The following NOTCH3 variants were observed in gnomAD, a reference collection of about 807,000 sequenced individuals.
NOTCH3 encodes neurogenic locus notch homolog protein 3.
Under a neutral mutation model 213.3 loss-of-function variants are expected in NOTCH3, and 86 were observed. The observed-to-expected ratio is 0.40, with a 90% CI of 0.34 to 0.48. The LOEUF is 0.48. Among genes scored for constraint, NOTCH3 ranks in the 20% least tolerant of loss-of-function variants. The pLI, the probability that NOTCH3 is intolerant of heterozygous loss-of-function variation, is 0.57. For synonymous variants in NOTCH3, 1,354 were observed against 1,355.9 expected (o/e 1.00, Z 0.03); for missense variants, 2,783 against 3,272.6 (o/e 0.85, Z 3.65).
intron 9 of NOTCH3, 91 bp downstream of exon 9, chr19:15,188,144 A>G: frequency 9.2e-7 from 1 of 1,085,094 alleles, no homozygotes. Flanking sequence ...ATTGTAAGTT[A>G]TCCGCTAACG....
At chr19:15,199,542 G>C (rs1484924442) in intron 1 of NOTCH3, among the ~76,000 whole-genome samples, 1 of 152,058 alleles carries the variant, frequency 6.6e-6, no homozygotes, top group Non-Finnish European at 1.5e-5. Flanking sequence ...GATCATATTT[G>C]TGTGTGTATG....
chr19:15,200,196 G>A (rs1477797959), intron 1 of NOTCH3, among the ~76,000 whole-genome samples: 2 of 150,120 alleles, frequency 1.3e-5, no homozygotes, highest in East Asian at 2.0e-4. Flanking sequence ...GCGGCCAGAG[G>A]AGAGAGGCGG....
intron 6 of NOTCH3, among the ~76,000 whole-genome samples, chr19:15,190,310 T>G (rs2046917579): frequency 6.6e-6 from 1 of 152,158 alleles, no homozygotes. Flanking sequence ...CATCCACATA[T>G]TGTTTTAAAA....
chr19:15,178,396 CTT>C (rs1017806646), intron 23 of NOTCH3: 8 of 442,732 alleles, frequency 1.8e-5, no homozygotes, highest in African/African-American at 6.0e-5. Context: ...GGGGTTGTTT[CTT>C]TGTTTTTTGA....
rs760895346 is a variant in NOTCH3, at chr19:15,161,519, G to A, written c.6109C>T (p.His2037Tyr). Residue 2037 changes from histidine (H) to tyrosine (Y), a missense_variant, in exon 33 of 33, where the codon CAC becomes TAC. Physicochemically the swap from His to Tyr is moderately conservative, Grantham distance 83. Around this residue, in one of 6 missense-constraint regions of NOTCH3, gnomAD observed 441 missense variants for 432.1 expected, o/e 1.02. Transcript: ENST00000263388. ...GGACAGAGCAGAGGCCCCAGGCCGT[G>A]GGGACCGGGGGGGCTGCGGGGCCCA... ...PSGPRSPPGP[H>Y]GLGPLLCPPG... 6.3e-7 allele frequency: 1 copy of A among 1,597,568 alleles called. No individual in the cohort carries two copies. The highest frequency in any genetic ancestry group is 8.5e-7 in the Non-Finnish European group (1 of 1,172,286).
At position 15,187,821 on chromosome 19, in the gene NOTCH3, C is replaced by T. The variant is rs545747537; in HGVS notation, c.1606+60G>A. The T allele has an allele frequency of 2.5e-4, 340 of 1,354,878 alleles. 3 individuals carry two copies. In the South Asian group the frequency reaches 3.9e-3, roughly 16 times the overall value. 83.9% of individuals were successfully genotyped at this position (1,354,878 alleles called of 1,614,324 possible). On this transcript the variant is annotated intron_variant, in intron 10 of 32. Transcript: ENST00000263388. ...AAGCTCTCCCCAAGTCTGTTATTGG[C>T]CCTGTCGCCCACAAGCCCCGCCTCC...
chr19:15,175,556 C>CATACAT (rs1555727057), intron 24 of NOTCH3, among the ~76,000 whole-genome samples: 5 of 90,222 alleles, frequency 5.5e-5, no homozygotes, highest in East Asian at 3.3e-4. Context: ...AAAAAAAATA[C>CATACAT]ATATATATAT....
rs1283727034 is a variant in NOTCH3, at chr19:15,185,342, G to A, written c.2211C>T (p.Ala737=). 1 of 1,612,516 alleles carries A rather than the reference G, an allele frequency of 6.2e-7. No individual in the cohort carries two copies. The highest frequency in any genetic ancestry group is 1.1e-5 in the South Asian group (1 of 91,044). ...PRCSQSLARD[A]CESQPCRAGG... is the part of the protein sequence containing the mutation. ...CGGCCCTGCACGGCTGGGACTCACAGGCGTCTCGGGCCAGGCTCTGGCTGC... is the reference window on the plus strand; with the variant it reads ...CGGCCCTGCACGGCTGGGACTCACAAGCGTCTCGGGCCAGGCTCTGGCTGC... The change falls in exon 14 of 33, where the codon GCC becomes GCT. Residue 737 remains alanine, a synonymous_variant. Coordinates refer to ENST00000263388, the MANE Select transcript of NOTCH3 (RefSeq NM_000435.3). This position sits in a 1 kb window ranked among gnomAD's most constrained non-coding sequence, Gnocchi z 4.2.
In NOTCH3 at chr19:15,174,269, A is replaced by G. The variant is rs754302041; in HGVS notation, c.4535T>C (p.Val1512Ala). 1.4e-5 allele frequency: 22 copies of G among 1,571,392 alleles called. No homozygotes were observed. The highest frequency in any genetic ancestry group is 1.7e-5 in the Non-Finnish European group (20 of 1,161,454). ...CGGCAGCAGCACTGTGAGCACCAGC[A>G]CGCCGCGGGCCAGCAGGGCCGGCAC... Reference protein sequence around the residue: ...SEVPALLARGVLVLTVLLPPE... With the variant: ...SEVPALLARGALVLTVLLPPE... Residue 1512 changes from valine to alanine, a missense_variant, in exon 25 of 33, where the codon GTG becomes GCG. Coordinates refer to ENST00000263388, the MANE Select transcript of NOTCH3 (RefSeq NM_000435.3).
At chr19:15,162,372 G>C in intron 32 of NOTCH3, 93 bp downstream of exon 32, 1 of 910,866 alleles carries the variant, frequency 1.1e-6, no homozygotes, top group Non-Finnish European at 1.8e-6. Flanking sequence ...ATTTTGTTTT[G>C]TTTTTTGAGA....
chr19:15,185,604 T>C lies in NOTCH3; in HGVS notation c.2027A>G (p.Glu676Gly), dbSNP rs2145430360. 3 of 1,613,478 alleles carry C rather than the reference T, an allele frequency of 1.9e-6. No individual in the cohort carries two copies. The highest frequency in any genetic ancestry group is 2.5e-6 in the Non-Finnish European group (3 of 1,179,972). The change falls in exon 13 of 33, where the codon GAA becomes GGA. Residue 676 changes from glutamate (E) to glycine (G), a missense_variant. By Grantham distance (98) the Glu-to-Gly change is moderately conservative. Transcript: ENST00000263388. The surrounding 1 kb of genome is among the most constrained non-coding windows in gnomAD (Gnocchi z 4.2). Reference protein sequence around the residue: ...CGEGGSCVDGENGFRCLCPPG... With the variant: ...CGEGGSCVDGGNGFRCLCPPG... The stretch of plus-strand genomic sequence containing the variant: ...CGGGCAGAGGCAGCGGAAGCCATTT[T>C]CCCCATCCACACAGGAACCTCCCTC...
At chr19:15,162,328 G>A in intron 32 of NOTCH3, 137 bp downstream of exon 32, 1 of 766,196 alleles carries the variant, frequency 1.3e-6, no homozygotes, top group Non-Finnish European at 2.2e-6. Flanking sequence ...AGTCACCAAA[G>A]TAAATTATAT....
chr19:15,183,825 T>C (rs1221981782), intron 16 of NOTCH3, among the ~76,000 whole-genome samples: 3 of 151,508 alleles, frequency 2.0e-5, no homozygotes, highest in African/African-American at 7.3e-5. Context: ...TGGAGACAGG[T>C]AGATTGCTTG....
intron 2 of NOTCH3, 119 bp from the exon 3 acceptor site, chr19:15,192,638 G>C (rs1250231127): frequency 9.4e-6 from 13 of 1,385,826 alleles, no homozygotes; most frequent in Non-Finnish European, 1.2e-5. Context: ...ACATTTGCTG[G>C]GAGCAGTGGC....
Position 15,165,650 on chromosome 19 carries a change from T to G in NOTCH3, c.5668-135A>C. 7.8e-7 allele frequency: 1 copy of G among 1,274,546 alleles called. No individual in the cohort carries two copies. The highest frequency in any genetic ancestry group is 1.1e-6 in the Non-Finnish European group (1 of 911,282). The allele number at this position is 1,274,546 out of a possible 1,614,324, so 79.0% of individuals were successfully genotyped here. ...TGGTGAGGTTCAGGGAGCAGCTGCTTGACAGATACTGTATTCCCATATATC... is the reference window on the plus strand; with the variant it reads ...TGGTGAGGTTCAGGGAGCAGCTGCTGGACAGATACTGTATTCCCATATATC... On this transcript the variant is annotated intron_variant, in intron 30 of 32. Transcript: ENST00000263388. The surrounding 1 kb of genome is among the most constrained non-coding windows in gnomAD (Gnocchi z 4.7).
Position 15,185,224 on chromosome 19 carries a change from G to T in NOTCH3, c.2296+33C>A. 1 of 1,611,246 alleles carries T rather than the reference G, an allele frequency of 6.2e-7. No individual in the cohort carries two copies. The highest frequency in any genetic ancestry group is 1.7e-4 in the Middle Eastern group (1 of 6,010). ...GAGAGATGAGAAGGCCCATGGTGTTGGTGGGGCTGCAGAGGGAAGGTGAGG... is the reference window on the plus strand; with the variant it reads ...GAGAGATGAGAAGGCCCATGGTGTTTGTGGGGCTGCAGAGGGAAGGTGAGG... On this transcript the variant is annotated intron_variant, in intron 14 of 32. Coordinates refer to ENST00000263388, the MANE Select transcript of NOTCH3 (RefSeq NM_000435.3). This position sits in a 1 kb window ranked among gnomAD's most constrained non-coding sequence, Gnocchi z 4.2.
intron 27 of NOTCH3, 56 bp downstream of exon 27, chr19:15,170,275 G>C (rs1283170150): frequency 3.8e-5 from 59 of 1,561,240 alleles, no homozygotes; most frequent in Non-Finnish European, 8.8e-7. Flanking sequence ...TCAAGGCGGG[G>C]TCCAGGGTTC....
chr19:15,174,877 G>T (rs1427978785), intron 24 of NOTCH3, among the ~76,000 whole-genome samples: 1 of 151,998 alleles, frequency 6.6e-6, no homozygotes, highest in Non-Finnish European at 1.5e-5. Flanking sequence ...CGCAGCCCTT[G>T]ATAATATTTT....
In NOTCH3 at chr19:15,165,930, C is replaced by A. The variant is rs2145392241; in HGVS notation, c.5524G>T (p.Ala1842Ser). The A allele has an allele frequency of 6.2e-7, 1 of 1,614,198 alleles. No individual in the cohort carries two copies. The highest frequency in any genetic ancestry group is 8.5e-7 in the Non-Finnish European group (1 of 1,180,034). ...GCATAACGGGCAGCCAGGTGCAAAG[C>A]AGTCTCGCCAGTACGGTCAGTCCGT... ...GARTDRTGET[A>S]LHLAARYARA... Residue 1842 changes from alanine (A) to serine (S), a missense_variant, in exon 30 of 33, where the codon GCT becomes TCT. This residue lies in a region of NOTCH3 where 636 missense variants were observed against 801.8 expected (regional missense o/e 0.79). Coordinates refer to ENST00000263388, the MANE Select transcript of NOTCH3 (RefSeq NM_000435.3). This position sits in a 1 kb window ranked among gnomAD's most constrained non-coding sequence, Gnocchi z 4.7.
Sources: gnomAD v4.1 joint callset for allele counts (sites outside exome capture counted in the v4.1 genomes callset) on GRCh38, gnomAD v4.1.1 for gene constraint, gnomAD v4.1.1 regional missense constraint, Gnocchi (gnomAD v3.1) non-coding constraint, MANE v1.5 for transcripts, NCBI Gene and HGNC (gene_info 2026-07-23, HGNC 2026-07-21) for gene names.